The following SPEG variants were observed in gnomAD, a reference collection of about 807,000 sequenced individuals.
SPEG encodes the protein striated muscle enriched protein kinase, also known as striated muscle preferentially expressed protein kinase.
Under a neutral mutation model 300.4 loss-of-function variants are expected in SPEG, and 114 were observed. The ratio of observed to expected loss-of-function variants is 0.38; its 90% CI spans 0.33 to 0.44. The LOEUF (loss-of-function observed/expected upper bound fraction) is 0.44, where lower values mean the gene tolerates loss of function less well. Among genes scored for constraint, SPEG ranks in the 20% least tolerant of loss-of-function variants. The pLI is 1.00. For synonymous variants in SPEG, 1,964 were observed against 2,018.9 expected, an observed-to-expected ratio of 0.97 and a Z score of 0.73; for missense variants, 4,201 against 4,586.2, an observed-to-expected ratio of 0.92 and a Z score of 2.43.
intron 3 of SPEG, 78 bp from the exon 4 acceptor site, chr2:219,447,896 C>A: frequency 7.2e-7 from 1 of 1,385,448 alleles, no homozygotes. Flanking sequence ...TGCCCACCAC[C>A]CAATTCCTGT....
rs550523351 is a variant in SPEG, at chr2:219,443,190, A to T, written c.389-1463A>T. 6.3e-7 allele frequency: 1 copy of T among 1,599,982 alleles called. No homozygotes were observed. The highest frequency in any genetic ancestry group is 1.3e-5 in the African/African-American group (1 of 74,298). On this transcript the variant is annotated intron_variant, in intron 1 of 40. Coordinates refer to ENST00000312358, the MANE Select transcript of SPEG (RefSeq NM_005876.5). This position sits in a 1 kb window ranked among gnomAD's most constrained non-coding sequence, Gnocchi z 4.6. ...GGCGTCCTTGCTCTAGCCCATGCCT[A>T]CTCCTCCTCTTGGTCCCTGTCCCTC... is the stretch of plus-strand genomic sequence containing the variant.
rs952566174 is a variant in SPEG at position 219,472,166 on chromosome 2, G to C, written c.3836-61G>C. The C allele has an allele frequency of 3.2e-6, 5 of 1,572,716 alleles. No individual in the cohort carries two copies. The Middle Eastern group carries it at 5.1e-4, about 159-fold the overall frequency. On this transcript the variant is annotated intron_variant, in intron 14 of 40. Transcript: ENST00000312358. ...GCCCTAGCCTCCTGCCCTGAGGCTC[G>C]GTGATCCTGTGGGGCTGTTGGGCCC...
chr2:219,474,847 A>G (rs1286512399), intron 18 of SPEG, among the ~76,000 whole-genome samples: 2 of 139,652 alleles, frequency 1.4e-5, no homozygotes, highest in African/African-American at 5.5e-5. Flanking sequence ...CACCCACACC[A>G]TCTCGGCTCA....
chr2:219,477,059 T>G lies in SPEG; in HGVS notation c.4560+77T>G, dbSNP rs61665331. 2.9e-4 allele frequency: 380 copies of G among 1,331,440 alleles called. 4 individuals carry two copies. In the East Asian group the frequency reaches 8.7e-3, roughly 31 times the overall value. 82.5% of individuals were successfully genotyped at this position (1,331,440 alleles called of 1,614,324 possible). On this transcript the variant is annotated intron_variant, in intron 19 of 40. Coordinates refer to ENST00000312358, the MANE Select transcript of SPEG (RefSeq NM_005876.5). This position sits in a 1 kb window ranked among gnomAD's most constrained non-coding sequence, Gnocchi z 6.4. Reference sequence around the variant, plus strand: ...GGGCGTGGGAGGGTCCTGGAAGGCCTTAGGAGGGCGGAGCCCGGGCAGAGG... The same window carrying G: ...GGGCGTGGGAGGGTCCTGGAAGGCCGTAGGAGGGCGGAGCCCGGGCAGAGG...
chr2:219,490,762 C>T lies in SPEG; in HGVS notation c.9191C>T (p.Thr3064Ile), dbSNP rs774965603. ...CGGTATTCTGAGGATGACGTGGCCA[C>T]TTACATGGTGCAGCTGCTACAAGGC... ...RFRYSEDDVATYMVQLLQGLD... is the reference protein window; with the variant it reads ...RFRYSEDDVAIYMVQLLQGLD... Residue 3064 changes from threonine (T) to isoleucine (I), a missense_variant, in exon 38 of 41, where the codon ACT (threonine) becomes ATT (isoleucine). By Grantham distance (89) the Thr-to-Ile change is moderately conservative (BLOSUM62 -1). Around this residue, in one of 4 missense-constraint regions of SPEG, gnomAD observed 318 missense variants for 429.5 expected, o/e 0.74. Transcript: ENST00000312358. 1 of 1,614,158 alleles carries T rather than the reference C, an allele frequency of 6.2e-7. No individual in the cohort carries two copies. The highest frequency in any genetic ancestry group is 8.5e-7 in the Non-Finnish European group (1 of 1,180,026).
In SPEG at chr2:219,434,962, C is replaced by G. The variant is rs1301735731; in HGVS notation, c.-16C>G. 10 of 1,500,220 alleles carry G rather than the reference C, an allele frequency of 6.7e-6. No individual in the cohort carries two copies. The highest frequency in any genetic ancestry group is 8.8e-6 in the Non-Finnish European group (10 of 1,132,512). The allele number at this position is 1,500,220 out of a possible 1,614,324, so 92.9% of individuals were successfully genotyped here. A position where few individuals can be genotyped will look rare whatever the true frequency, so the allele number is the denominator to read the frequency against. On this transcript the variant is annotated 5_prime_UTR_variant, in exon 1 of 41. Coordinates refer to ENST00000312358, the MANE Select transcript of SPEG (RefSeq NM_005876.5). Reference sequence around the variant, plus strand: ...CGCCCAGTTCCGGCGTCCCCCCAGCCCAGCTCTCAGTGGCCATGCAGAAAG... The same window carrying G: ...CGCCCAGTTCCGGCGTCCCCCCAGCGCAGCTCTCAGTGGCCATGCAGAAAG...
In SPEG at chr2:219,481,804, G is replaced by A. The variant is rs1030616348; in HGVS notation, c.5565+124G>A. On this transcript the variant is annotated intron_variant, in intron 28 of 40. Transcript: ENST00000312358. This position sits in a 1 kb window ranked among gnomAD's most constrained non-coding sequence, Gnocchi z 5.4. ...GTTAGGCATTGTATGTACATATGAC[G>A]TATTAGCCTCACAATAGCTTTGCAA... 113 of 841,872 alleles carry A rather than the reference G, an allele frequency of 1.3e-4. No homozygotes were observed. The highest frequency in any genetic ancestry group is 2.0e-4 in the Admixed American group (10 of 50,776). The allele number at this position is 841,872 out of a possible 1,614,324, so 52.2% of individuals were successfully genotyped here. A position where few individuals can be genotyped will look rare whatever the true frequency, so the allele number is the denominator to read the frequency against.
intron 1 of SPEG, among the ~76,000 whole-genome samples, chr2:219,436,773 G>A (rs888062061): frequency 6.6e-6 from 1 of 152,172 alleles, no homozygotes; most frequent in Admixed American, 6.5e-5. Flanking sequence ...CAGGCCTCCC[G>A]AGCCTGGGAT....
At chr2:219,482,637 G>T (rs1692958569) in intron 28 of SPEG, 147 bp from the exon 29 acceptor site, 5 of 673,162 alleles carry the variant, frequency 7.4e-6, no homozygotes. Context: ...AGACCCAGGG[G>T]GAAGGGGACC....
chr2:219,436,731 G>A (rs764196573), intron 1 of SPEG, among the ~76,000 whole-genome samples: 4 of 152,170 alleles, frequency 2.6e-5, no homozygotes, highest in South Asian at 2.1e-4. Flanking sequence ...CAAGGCTGGC[G>A]TCTCCTGGTT....
intron 8 of SPEG, among the ~76,000 whole-genome samples, chr2:219,463,828 G>A (rs1174213901): frequency 3.3e-5 from 5 of 151,990 alleles, no homozygotes; most frequent in Admixed American, 3.3e-4. Context: ...GAATTATTAA[G>A]AGCTAAATAG....
At position 219,477,068 on chromosome 2, in the gene SPEG, C is replaced by T; in HGVS notation, c.4560+86C>T. 4 of 1,256,798 alleles carry T rather than the reference C, an allele frequency of 3.2e-6. No homozygotes were observed. Among genetic ancestry groups the T allele is most frequent in the East Asian group, 4.7e-5 (2 of 42,466 alleles). The allele number at this position is 1,256,798 out of a possible 1,614,324, so 77.9% of individuals were successfully genotyped here. On this transcript the variant is annotated intron_variant, in intron 19 of 40. Transcript: ENST00000312358. The surrounding 1 kb of genome is among the most constrained non-coding windows in gnomAD (Gnocchi z 6.4). ...AGGGTCCTGGAAGGCCTTAGGAGGG[C>T]GGAGCCCGGGCAGAGGCGTGGTTAG...
rs761482847 is a variant in SPEG, at chr2:219,467,242, A to C, written c.2950A>C (p.Met984Leu). ...LQDVDVGAGEMALFECLVAGP... is the reference protein window; with the variant it reads ...LQDVDVGAGELALFECLVAGP... ...GGACGTGGACGTGGGGGCCGGGGAG[A>C]TGGCGCTGTTTGAGTGCCTGGTGGC... The change falls in exon 10 of 41, where the codon ATG becomes CTG. Residue 984 changes from methionine to leucine, a missense_variant. Physicochemically the swap from Met to Leu is conservative, Grantham distance 15. Coordinates refer to ENST00000312358, the MANE Select transcript of SPEG (RefSeq NM_005876.5). The C allele has an allele frequency of 3.1e-6, 5 of 1,605,828 alleles. No individual in the cohort carries two copies. In the Admixed American group the frequency reaches 8.3e-5, roughly 27 times the overall value.
intron 9 of SPEG, chr2:219,466,223 C>T: frequency 6.9e-7 from 1 of 1,453,944 alleles, no homozygotes; most frequent in Non-Finnish European, 9.0e-7. Flanking sequence ...CATGCAGCCC[C>T]CAGGGGGATA....
intron 1 of SPEG, among the ~76,000 whole-genome samples, chr2:219,442,396 T>C (rs1688987990): frequency 6.6e-6 from 1 of 150,858 alleles, no homozygotes; most frequent in African/African-American, 2.4e-5. Context: ...CTTTGCCACA[T>C]CTTCTCTCTC....
At position 219,472,911 on chromosome 2, in the gene SPEG, C is replaced by T. The variant is rs1410379279; in HGVS notation, c.3962C>T (p.Thr1321Ile). 2 of 1,604,970 alleles carry T rather than the reference C, an allele frequency of 1.2e-6. No homozygotes were observed. Among genetic ancestry groups the T allele is most frequent in the Admixed American group, 3.4e-5 (2 of 59,400 alleles). ...MAIDPDSLTY[T>I]VQHQVLGSDQ... ...CCAGACCCGGACTCCCTGACGTACA[C>T]AGTGCAGCACCAGGTGCTGGGCTCG... The change falls in exon 16 of 41, where the codon ACA becomes ATA. Residue 1321 changes from threonine to isoleucine, a missense_variant. This residue lies in a region of SPEG where 1,047 missense variants were observed against 1,356.8 expected (regional missense o/e 0.77). Transcript: ENST00000312358.
In SPEG at chr2:219,451,986, C is replaced by A. The variant is rs1179157153; in HGVS notation, c.2440+179C>A. The stretch of plus-strand genomic sequence containing the variant: ...CTTTGGTGAAAGCGTTTTAAATGGC[C>A]CTGGCCTCAGGGCAGGGGCCAAATC... On this transcript the variant is annotated intron_variant, in intron 6 of 40. Transcript: ENST00000312358. The surrounding 1 kb of genome is among the most constrained non-coding windows in gnomAD (Gnocchi z 6.4). Among the ~76,000 whole-genome samples, 3 of 152,198 alleles carry A rather than the reference C, an allele frequency of 2.0e-5. No homozygotes were observed. The highest frequency in any genetic ancestry group is 4.4e-5 in the Non-Finnish European group (3 of 68,036).
chr2:219,483,274 C>T lies in SPEG; in HGVS notation c.5811C>T (p.Arg1937=). 6.2e-7 allele frequency: 1 copy of T among 1,607,442 alleles called. No individual in the cohort carries two copies. Among genetic ancestry groups the T allele is most frequent in the Non-Finnish European group, 8.5e-7 (1 of 1,177,172 alleles). Residue 1937 remains arginine, a synonymous_variant, in exon 30 of 41, where the codon CGC becomes CGT. Coordinates refer to ENST00000312358, the MANE Select transcript of SPEG (RefSeq NM_005876.5). ...EELEELPSVP[R]PLQPEFSGSR... The stretch of plus-strand genomic sequence containing the variant: ...TGGAAGAGCTGCCCTCAGTGCCCCG[C>T]CCACTGCAGCCCGAGTTCTCTGGCT...
chr2:219,442,092 TC>T (rs1661168134), intron 1 of SPEG: 2 of 1,190,690 alleles, frequency 1.7e-6, no homozygotes, highest in Non-Finnish European at 2.1e-6. Context: ...AGGTGAGGGC[TC>T]CGGGGGCGGG....
Sources: gnomAD v4.1 joint callset for allele counts (sites outside exome capture counted in the v4.1 genomes callset) on GRCh38, gnomAD v4.1.1 for gene constraint, gnomAD v4.1.1 regional missense constraint, Gnocchi (gnomAD v3.1) non-coding constraint, MANE v1.5 for transcripts, NCBI Gene and HGNC (gene_info 2026-07-23, HGNC 2026-07-21) for gene names.